The following MTUS1 variants were observed in gnomAD, a reference collection of about 807,000 sequenced individuals.
MTUS1 encodes the protein microtubule-associated tumor suppressor 1.
A neutral mutation model predicts 120.8 loss-of-function variants in MTUS1; 109 were observed. That is an observed-to-expected ratio of 0.90 (90% CI 0.77 to 1.06). MTUS1 has a LOEUF of 1.06. Among genes scored for constraint, MTUS1 ranks in the 50% least tolerant of loss-of-function variants. MTUS1 has a pLI of 0.00. For missense variants in MTUS1, 2,210 were observed against 1,486.3 expected, an observed-to-expected ratio of 1.49 and a Z score of -8.01; for synonymous variants, 737 against 550.5, an observed-to-expected ratio of 1.34 and a Z score of -4.74.
At chr8:17,647,230 T>C (rs1806006820) in intron 13 of MTUS1, 151 bp from the exon 14 acceptor site, 3 of 595,848 alleles carry the variant, frequency 5.0e-6, no homozygotes, top group African/African-American at 3.8e-5. Flanking sequence ...ACAAACATAC[T>C]GAAAAAGATT....
At position 17,790,629 on chromosome 8, in the gene MTUS1, T is replaced by G. The variant is rs80271763; in HGVS notation, c.-155+10432A>C. On this transcript the variant is annotated intron_variant, in intron 1 of 14. Coordinates refer to ENST00000693296, the MANE Select transcript of MTUS1 (RefSeq NM_001363059.2). ...AACATTCGGCTTTACGTTCTGTGATTAGAAAATGTGAAAATAAACCGTAAT... is the reference window on the plus strand; with the variant it reads ...AACATTCGGCTTTACGTTCTGTGATGAGAAAATGTGAAAATAAACCGTAAT... 5.9e-3 allele frequency among the ~76,000 whole-genome samples: 893 copies of G among 152,330 alleles called. 15 individuals carry two copies. The highest frequency in any genetic ancestry group is 0.021 in the African/African-American group (863 of 41,580).
intron 8 of MTUS1, among the ~76,000 whole-genome samples, chr8:17,661,682 A>G (rs79963438): frequency 0.024 from 3,401 of 141,540 alleles, 140 homozygotes; most frequent in African/African-American, 0.085. Context: ...TTGATAAGTG[A>G]GGTGAAGAGA....
In MTUS1 at chr8:17,765,685, C is replaced by CAA. The variant is rs2049429928; in HGVS notation, c.-154-9725_-154-9724insTT. On this transcript the variant is annotated intron_variant, in intron 1 of 14. Transcript: ENST00000693296. ...ATCATTAAAATACAGACACCACACACACACACACACACACACACACACACA... is the reference window on the plus strand; with the variant it reads ...ATCATTAAAATACAGACACCACACACAAACACACACACACACACACACACACA... 1.4e-5 allele frequency among the ~76,000 whole-genome samples: 2 copies of CAA among 139,378 alleles called. 1 individual carries two copies. Among genetic ancestry groups the CAA allele is most frequent in the Non-Finnish European group, 3.1e-5 (2 of 64,934 alleles). The allele number at this position is 139,378 out of a possible 152,430, so 91.4% of individuals were successfully genotyped here.
At chr8:17,792,526 G>A (rs2131589050) in intron 1 of MTUS1, among the ~76,000 whole-genome samples, 1 of 152,248 alleles carries the variant, frequency 6.6e-6, no homozygotes, top group South Asian at 2.1e-4. Context: ...CAAATTAAGA[G>A]TAAGTAAATC....
intron 2 of MTUS1, among the ~76,000 whole-genome samples, chr8:17,749,853 C>T (rs2048053117): frequency 6.6e-6 from 1 of 152,082 alleles, no homozygotes; most frequent in South Asian, 2.1e-4. Context: ...TTAGGCCCAT[C>T]TTCTCAGGAT....
chr8:17,741,021 A>T (rs1045673170), intron 3 of MTUS1, among the ~76,000 whole-genome samples: 1 of 149,102 alleles, frequency 6.7e-6, no homozygotes, highest in African/African-American at 2.5e-5. Flanking sequence ...ACCTGCCACC[A>T]CCCTTGGCTA....
intron 4 of MTUS1, 103 bp from the exon 5 acceptor site, chr8:17,716,004 C>T (rs547374587): frequency 9.8e-6 from 10 of 1,016,266 alleles, no homozygotes; most frequent in Non-Finnish European, 1.5e-5. Context: ...TCAATAAGCA[C>T]CTACGACATG....
intron 7 of MTUS1, 78 bp from the exon 8 acceptor site, chr8:17,675,330 G>A: frequency 7.8e-7 from 1 of 1,288,528 alleles, no homozygotes; most frequent in Non-Finnish European, 1.1e-6. Context: ...TTATCACTAG[G>A]AAAATGAGAC....
At chr8:17,801,435 A>C (rs2052668509), upstream of MTUS1, 1 of 151,514 alleles carries the variant, frequency 6.6e-6, no homozygotes, top group African/African-American at 2.4e-5. Flanking sequence ...GCCCTCGGGG[A>C]ACCTGAATGA....
intron 14 of MTUS1, 83 bp from the exon 15 acceptor site, chr8:17,646,222 A>G (rs1805763047): frequency 3.7e-6 from 5 of 1,368,002 alleles, no homozygotes; most frequent in Admixed American, 2.8e-5. Context: ...TTGAAACTTT[A>G]AAGTCCAAAA....
chr8:17,743,625 T>G lies in MTUS1; in HGVS notation c.2266A>C (p.Ile756Leu), dbSNP rs2047505503. The change falls in exon 3 of 15, where the codon ATC becomes CTC. Residue 756 changes from isoleucine to leucine, a missense_variant. By Grantham distance (5) the Ile-to-Leu change is conservative (BLOSUM62 2). Transcript: ENST00000693296. The part of the protein sequence containing the change: ...SADRAVSPQR[I>L]RRVSSSGKPT... The stretch of plus-strand genomic sequence containing the variant: ...TTACCAGAACTGGACACACGCCTGA[T>G]CCTCTGAGGAGATACGGCTCGATCA... 1 of 1,613,992 alleles carries G rather than the reference T, an allele frequency of 6.2e-7. No homozygotes were observed. Among genetic ancestry groups the G allele is most frequent in the African/African-American group, 1.3e-5 (1 of 75,030 alleles).
chr8:17,690,474 G>A (rs1816734153), intron 6 of MTUS1, among the ~76,000 whole-genome samples: 1 of 152,162 alleles, frequency 6.6e-6, no homozygotes, highest in Admixed American at 6.5e-5. Context: ...AAAACAGTAT[G>A]GAGATTCCTC....
chr8:17,779,787 G>T (rs535093622), intron 1 of MTUS1, among the ~76,000 whole-genome samples: 2 of 152,270 alleles, frequency 1.3e-5, no homozygotes, highest in South Asian at 2.1e-4. Flanking sequence ...AGTGTTGGAG[G>T]GGGGGCGGGG....
intron 3 of MTUS1, among the ~76,000 whole-genome samples, chr8:17,738,185 C>G (rs2047062596): frequency 1.3e-5 from 2 of 152,206 alleles, no homozygotes; most frequent in South Asian, 4.1e-4. Context: ...CAAAAACCAT[C>G]TCTTTCAGGA....
At chr8:17,750,544 A>C (rs368032042) in intron 2 of MTUS1, among the ~76,000 whole-genome samples, 1 of 152,244 alleles carries the variant, frequency 6.6e-6, no homozygotes, top group African/African-American at 2.4e-5. Flanking sequence ...CCAGGATTCA[A>C]GTGAGGGCTC....
chr8:17,724,275 A>T (rs1038409589), intron 3 of MTUS1: 4 of 245,348 alleles, frequency 1.6e-5, no homozygotes, highest in Non-Finnish European at 2.4e-5. Flanking sequence ...AACCAAGTCC[A>T]AATACATCTT....
chr8:17,647,209 T>A (rs1383515437), intron 13 of MTUS1, 130 bp from the exon 14 acceptor site: 3 of 670,512 alleles, frequency 4.5e-6, no homozygotes, highest in Non-Finnish European at 7.6e-6. Flanking sequence ...TATTAAAATA[T>A]TTATACACTA....
chr8:17,651,507 A>T (rs944257950), intron 12 of MTUS1: 1 of 151,550 alleles, frequency 6.6e-6, no homozygotes, highest in African/African-American at 2.4e-5. Flanking sequence ...CATTTTATAC[A>T]GTGTTACCCT....
chr8:17,748,758 GT>G (rs2047962663), intron 2 of MTUS1, among the ~76,000 whole-genome samples: 1 of 152,188 alleles, frequency 6.6e-6, no homozygotes, highest in Non-Finnish European at 1.5e-5. Flanking sequence ...CCCATCGCAA[GT>G]TTTACAAATG....
Sources: gnomAD v4.1 joint callset for allele counts (sites outside exome capture counted in the v4.1 genomes callset) on GRCh38, gnomAD v4.1.1 for gene constraint, MANE v1.5 for transcripts, NCBI Gene and HGNC (gene_info 2026-07-23, HGNC 2026-07-21) for gene names.